CHI3L1: variants seen among roughly 807,000 people sequenced by gnomAD.
CHI3L1 encodes the protein chitinase 3 like 1.
In CHI3L1, 30 loss-of-function variants were observed where a neutral mutation model predicts 40.7. That is an observed-to-expected ratio of 0.74 (90% CI 0.55 to 1.00). The LOEUF (loss-of-function observed/expected upper bound fraction) is 1.00, where lower values mean the gene tolerates loss of function less well. CHI3L1 is among the 50% of genes least tolerant of loss of function. The probability of loss-of-function intolerance (pLI) is 0.00; values close to 1 mark genes in which losing one functional copy is unlikely to be tolerated. For missense variants in CHI3L1, 493 were observed against 492.2 expected, an observed-to-expected ratio of 1.00 and a Z score of -0.01; for synonymous variants, 210 against 192.1, an observed-to-expected ratio of 1.09 and a Z score of -0.77.
intron 5 of CHI3L1, among the ~76,000 whole-genome samples, 157 bp downstream of exon 5, chr1:203,183,484 T>C (rs1256853617): frequency 6.6e-6 from 1 of 152,130 alleles, no homozygotes; most frequent in Non-Finnish European, 1.5e-5. Context: ...TTCCTTGCTA[T>C]GTGAGATCTT....
intron 3 of CHI3L1, among the ~76,000 whole-genome samples, chr1:203,184,884 G>A (rs1656022595): frequency 6.6e-6 from 1 of 152,178 alleles, no homozygotes; most frequent in African/African-American, 2.4e-5. Context: ...CAGTGGAGAA[G>A]ACAGAGTATG....
At chr1:203,185,493 G>A in intron 2 of CHI3L1, 108 bp from the exon 3 acceptor site, 1 of 895,990 alleles carries the variant, frequency 1.1e-6, no homozygotes, top group Non-Finnish European at 1.8e-6. Flanking sequence ...GGGAGGAGTG[G>A]GGTGCAGATT....
At chr1:203,186,390 C>T (rs1302220527) in intron 1 of CHI3L1, 45 bp from the exon 2 acceptor site, 1 of 1,572,962 alleles carries the variant, frequency 6.4e-7, no homozygotes, top group Non-Finnish European at 8.6e-7. Context: ...GCATCCTGCC[C>T]TTCCGCCCTG....
At position 203,180,756 on chromosome 1, in the gene CHI3L1, A is replaced by G. The variant is rs1409595755; in HGVS notation, c.712-104T>C. The G allele has an allele frequency of 3.7e-6, 3 of 802,696 alleles. No individual in the cohort carries two copies. In the Admixed American group the frequency reaches 9.6e-5, roughly 26 times the overall value. 49.7% of individuals were successfully genotyped at this position (802,696 alleles called of 1,614,324 possible). On this transcript the variant is annotated intron_variant, in intron 7 of 9. Transcript: ENST00000255409. The stretch of plus-strand genomic sequence containing the variant: ...AGCAGGGGTTATTGGTGTATGGTGC[A>G]CTGGGGATTCCCCTGTCCCTCCGGG...
Position 203,186,293 on chromosome 1 carries a change from G to A in CHI3L1, c.55+23C>T, listed in dbSNP as rs201586689. The A allele has an allele frequency of 1.2e-3, 1,872 of 1,578,580 alleles. 24 individuals are homozygous for A. The African/African-American group carries it at 0.022, about 19-fold the overall frequency. ...CCTCGCCACGCCTCTGGACTTAAAA[G>A]TGGAGGTGGAGGGATTACTCACAGC... On this transcript the variant is annotated intron_variant, in intron 2 of 9. Coordinates refer to ENST00000255409, the MANE Select transcript of CHI3L1 (RefSeq NM_001276.4).
intron 2 of CHI3L1, among the ~76,000 whole-genome samples, chr1:203,185,636 G>A (rs187025264): frequency 6.6e-6 from 1 of 152,194 alleles, no homozygotes; most frequent in East Asian, 1.9e-4. Context: ...GGATGAATAC[G>A]CTACAGGCAC....
chr1:203,181,223 C>T lies in CHI3L1; in HGVS notation c.650G>A (p.Gly217Asp). ...ACCTCGGAACAGGGGACTGTGATGG[C>T]CTGTGGTCCCACGCCAGGCTCCATG... Reference protein sequence around the residue: ...DFHGAWRGTTGHHSPLFRGQE... With the variant: ...DFHGAWRGTTDHHSPLFRGQE... The change falls in exon 7 of 10, where the codon GGC becomes GAC. Residue 217 changes from glycine (G) to aspartate (D), a missense_variant. Transcript: ENST00000255409. 1 of 1,614,132 alleles carries T rather than the reference C, an allele frequency of 6.2e-7. No homozygotes were observed. The highest frequency in any genetic ancestry group is 1.7e-5 in the Admixed American group (1 of 60,018).
rs968599685 is a variant in CHI3L1 at position 203,185,064 on chromosome 1, C to T, written c.257+120G>A. ...CCCCTCCACCCATTTAAGCCAAGCCCCTCTAACTCTCCAAACATAGGTGAG... is the reference window on the plus strand; with the variant it reads ...CCCCTCCACCCATTTAAGCCAAGCCTCTCTAACTCTCCAAACATAGGTGAG... On this transcript the variant is annotated intron_variant, in intron 3 of 9. Coordinates refer to ENST00000255409, the MANE Select transcript of CHI3L1 (RefSeq NM_001276.4). The T allele has an allele frequency of 1.5e-5, 12 of 801,860 alleles. No homozygotes were observed. The East Asian group carries it at 2.5e-4, about 16-fold the overall frequency. 49.7% of individuals were successfully genotyped at this position (801,860 alleles called of 1,614,324 possible).
chr1:203,186,668 C>T lies in CHI3L1; in HGVS notation c.-45G>A, dbSNP rs770689503. The T allele has an allele frequency of 9.7e-5, 157 of 1,613,382 alleles. No individual in the cohort carries two copies. Among genetic ancestry groups the T allele is most frequent in the Non-Finnish European group, 1.2e-4 (141 of 1,179,666 alleles). On this transcript the variant is annotated 5_prime_UTR_variant, in exon 1 of 10. Coordinates refer to ENST00000255409, the MANE Select transcript of CHI3L1 (RefSeq NM_001276.4). The stretch of plus-strand genomic sequence containing the variant: ...GGCAGGGTGTGGCCTCTTCCCTTGC[C>T]CACGGCTCCTGGTGCCAGCTACCTA...
rs1156260144 is a variant in CHI3L1, at chr1:203,179,331, G to C, written c.*114C>G. The stretch of plus-strand genomic sequence containing the variant: ...GACCTCTGCATAGGCCCCAAGGGAG[G>C]GAGACTGAGGCTCAGCCTGGGACTC... On this transcript the variant is annotated 3_prime_UTR_variant, in exon 10 of 10. Transcript: ENST00000255409. 1.3e-5 allele frequency: 12 copies of C among 954,266 alleles called. No individual in the cohort carries two copies. Among genetic ancestry groups the C allele is most frequent in the Non-Finnish European group, 1.9e-5 (12 of 631,226 alleles). 59.1% of individuals were successfully genotyped at this position (954,266 alleles called of 1,614,324 possible).
At chr1:203,183,981 C>G (rs1316945974) in intron 4 of CHI3L1, among the ~76,000 whole-genome samples, 190 bp from the exon 5 acceptor site, 2 of 152,236 alleles carry the variant, frequency 1.3e-5, no homozygotes, top group African/African-American at 4.8e-5. Context: ...GTTTCCAAGT[C>G]TGGCTCTATC....
intron 8 of CHI3L1, 42 bp from the exon 9 acceptor site, chr1:203,179,919 C>T (rs373298694): frequency 1.4e-5 from 22 of 1,593,982 alleles, no homozygotes; most frequent in East Asian, 4.5e-5. Context: ...GGAGTCGTGC[C>T]GAGACCTTGC....
At chr1:203,186,526 C>T (rs1656059326) in intron 1 of CHI3L1, 73 bp downstream of exon 1, 1 of 1,599,740 alleles carries the variant, frequency 6.3e-7, no homozygotes, top group Admixed American at 1.7e-5. Context: ...ACCCAGCAGG[C>T]AGATGGCTCT....
intron 8 of CHI3L1, 129 bp downstream of exon 8, chr1:203,180,341 A>T: frequency 2.3e-6 from 2 of 861,836 alleles, no homozygotes; most frequent in South Asian, 1.9e-5. Flanking sequence ...CCACTTCCTC[A>T]GGCATGCTGG....
chr1:203,185,288 A>G lies in CHI3L1; in HGVS notation c.153T>C (p.Cys51=). The G allele has an allele frequency of 6.2e-7, 1 of 1,614,212 alleles. No individual in the cohort carries two copies. Among genetic ancestry groups the G allele is most frequent in the Non-Finnish European group, 8.5e-7 (1 of 1,180,016 alleles). Reference sequence around the variant, plus strand: ...TGGCAAAGCTGTAGATGATGTGGGTACAGAGGAAGCGGTCAAGGGCATCTG... The same window carrying G: ...TGGCAAAGCTGTAGATGATGTGGGTGCAGAGGAAGCGGTCAAGGGCATCTG... ...CFPDALDRFL[C]THIIYSFANI... is the part of the protein sequence containing the mutation. The change falls in exon 3 of 10, where the codon TGT becomes TGC. Residue 51 remains cysteine (C), a synonymous_variant. Transcript: ENST00000255409.
chr1:203,181,126 G>T, intron 7 of CHI3L1, 36 bp downstream of exon 7: 1 of 1,610,278 alleles, frequency 6.2e-7, no homozygotes. Flanking sequence ...AGGTCTTGCG[G>T]CCCCCTCCTG....
At position 203,181,301 on chromosome 1, in the gene CHI3L1, A is replaced by T. The variant is rs1322352456; in HGVS notation, c.588-16T>A. 3.1e-6 allele frequency: 5 copies of T among 1,612,466 alleles called. No individual in the cohort carries two copies. In the Admixed American group the frequency reaches 8.4e-5, roughly 27 times the overall value. ...ATCCAGGTGTCTGAGGAGGAAGGGG[A>T]TGGAGGGTGAGGCAGGAAATTATTA... On this transcript the variant is annotated splice_polypyrimidine_tract_variant and intron_variant, in intron 6 of 9. Transcript: ENST00000255409.
Position 203,179,340 on chromosome 1 carries a change from G to A in CHI3L1, c.*105C>T. The A allele has an allele frequency of 9.6e-7, 1 of 1,042,270 alleles. No homozygotes were observed. The highest frequency in any genetic ancestry group is 1.4e-6 in the Non-Finnish European group (1 of 709,744). The allele number at this position is 1,042,270 out of a possible 1,614,324, so 64.6% of individuals were successfully genotyped here. A position where few individuals can be genotyped will look rare whatever the true frequency, so the allele number is the denominator to read the frequency against. ...ATAGGCCCCAAGGGAGGGAGACTGAGGCTCAGCCTGGGACTCAGCAGGGCA... is the reference window on the plus strand; with the variant it reads ...ATAGGCCCCAAGGGAGGGAGACTGAAGCTCAGCCTGGGACTCAGCAGGGCA... On this transcript the variant is annotated 3_prime_UTR_variant, in exon 10 of 10. Transcript: ENST00000255409.
chr1:203,181,229 G>T lies in CHI3L1; in HGVS notation c.644C>A (p.Thr215Asn). 1 of 1,614,076 alleles carries T rather than the reference G, an allele frequency of 6.2e-7. No individual in the cohort carries two copies. Among genetic ancestry groups the T allele is most frequent in the Non-Finnish European group, 8.5e-7 (1 of 1,179,948 alleles). Residue 215 changes from threonine to asparagine, a missense_variant, in exon 7 of 10, where the codon ACC becomes AAC. Transcript: ENST00000255409. ...GAACAGGGGACTGTGATGGCCTGTG[G>T]TCCCACGCCAGGCTCCATGAAAATC... ...TYDFHGAWRG[T>N]TGHHSPLFRG...
Sources: allele counts gnomAD v4.1 joint callset (sites outside exome capture counted in the v4.1 genomes callset), GRCh38; gene constraint gnomAD v4.1.1; transcripts MANE v1.5; gene names NCBI Gene and HGNC (gene_info 2026-07-23, HGNC 2026-07-21).